Variants in RIPOR3 observed in about 807,000 individuals in gnomAD.
RIPOR3 encodes the protein family with sequence similarity 65 member C.
RIPOR3 carries 95 observed loss-of-function variants against 114.3 expected under a neutral mutation model. The observed-to-expected ratio is 0.83, with a 90% CI of 0.70 to 0.99. RIPOR3 has a LOEUF of 0.99. Ranked by LOEUF, RIPOR3 falls within the 50% of genes least tolerant of loss-of-function variation. The probability of loss-of-function intolerance (pLI) is 0.00; values close to 1 mark genes in which losing one functional copy is unlikely to be tolerated. For synonymous variants in RIPOR3, 575 were observed against 543.8 expected (o/e 1.06, Z -0.80); for missense variants, 1,252 against 1,266.9 (o/e 0.99, Z 0.18).
At chr20:50,622,978 T>C (rs955550464) in intron 2 of RIPOR3, among the ~76,000 whole-genome samples, 8 of 151,980 alleles carry the variant, frequency 5.3e-5, no homozygotes, top group African/African-American at 1.7e-4. Flanking sequence ...AAACATTAGG[T>C]GCAGGCCAGG....
chr20:50,666,226 T>TCTTTTCTCTTCTCTTCTCTTCTCTTCTC (rs1555873214), intron 1 of RIPOR3, among the ~76,000 whole-genome samples: 1 of 139,836 alleles, frequency 7.2e-6, no homozygotes, highest in Non-Finnish European at 1.5e-5. Flanking sequence ...TCTTTTCTTT[T>TCTTTTCTCTTCTCTTCTCTTCTCTTCTC]TTGAGACGGA....
intron 1 of RIPOR3, among the ~76,000 whole-genome samples, chr20:50,661,676 T>TA (rs1356776668): frequency 7.2e-5 from 11 of 152,154 alleles, no homozygotes; most frequent in Non-Finnish European, 7.3e-5. Context: ...GAACTGCTGT[T>TA]ATCAGAGTTG....
At chr20:50,611,005 T>C (rs1314162829) in intron 5 of RIPOR3, 99 bp from the exon 6 acceptor site, 12 of 550,160 alleles carry the variant, frequency 2.2e-5, no homozygotes, top group Non-Finnish European at 3.0e-5. Context: ...ACTCAGAGAA[T>C]GGGGCCCCTC....
At chr20:50,591,756 C>T (rs2083116059) in intron 19 of RIPOR3, among the ~76,000 whole-genome samples, 1 of 152,190 alleles carries the variant, frequency 6.6e-6, no homozygotes, top group Non-Finnish European at 1.5e-5. Context: ...GACCCATTAC[C>T]AGGTAGCCAT....
intron 2 of RIPOR3, among the ~76,000 whole-genome samples, chr20:50,620,571 G>A (rs893257667): frequency 6.6e-6 from 1 of 152,006 alleles, no homozygotes; most frequent in African/African-American, 2.4e-5. Context: ...AGGTTTCAGT[G>A]AGCCGAGATT....
At chr20:50,595,848 C>T (rs1031415132) in intron 15 of RIPOR3, among the ~76,000 whole-genome samples, 1 of 152,158 alleles carries the variant, frequency 6.6e-6, no homozygotes, top group Non-Finnish European at 1.5e-5. Context: ...TACCATGAGC[C>T]GATAAATTTT....
rs185632254 is a variant in RIPOR3, at chr20:50,608,900, G to T, written c.684+12C>A. 2,382 of 1,597,512 alleles carry T rather than the reference G, an allele frequency of 1.5e-3. 21 individuals carry two copies. Among genetic ancestry groups the T allele is most frequent in the Non-Finnish European group, 4.3e-4 (503 of 1,172,462 alleles). ...GGGAGCCCTGAGGATTGACCCCAGA[G>T]AGTGGCCGTACCTCATAGTGGTCTC... On this transcript the variant is annotated intron_variant, in intron 9 of 21. Transcript: ENST00000327979.
At position 50,607,960 on chromosome 20, in the gene RIPOR3, G is replaced by A. The variant is rs73272561; in HGVS notation, c.956+429C>T. The stretch of plus-strand genomic sequence containing the variant: ...GTCCAGGGAGTGATCTCATGGACAT[G>A]GGCTTCATGGGTCTGCAGCCGAGAG... On this transcript the variant is annotated intron_variant, in intron 11 of 21. Transcript: ENST00000327979. 3.5e-3 allele frequency among the ~76,000 whole-genome samples: 537 copies of A among 152,310 alleles called. 3 individuals carry two copies. Among genetic ancestry groups the A allele is most frequent in the African/African-American group, 0.012 (514 of 41,572 alleles).
rs2087008547 is a variant in RIPOR3 at position 50,686,033 on chromosome 20, GC to G, written c.3+5092del. On this transcript the variant is annotated intron_variant, in intron 1 of 21. Transcript: ENST00000327979. ...AAAATAGGAATGAAGTGAATGAATG[GC>G]CTGAAAGCATAGACGCCTGGCTCTT... 2.0e-5 allele frequency among the ~76,000 whole-genome samples: 3 copies of G among 152,110 alleles called. No homozygotes were observed. In the South Asian group the frequency reaches 6.2e-4, roughly 32 times the overall value.
At chr20:50,611,376 G>A (rs1317205347) in intron 4 of RIPOR3, among the ~76,000 whole-genome samples, 172 bp from the exon 5 acceptor site, 2 of 152,310 alleles carry the variant, frequency 1.3e-5, no homozygotes, top group East Asian at 1.9e-4. Flanking sequence ...TGCTGTCCAC[G>A]CCAAGGACAG....
chr20:50,597,825 C>T (rs1367020706), intron 13 of RIPOR3, 115 bp from the exon 14 acceptor site: 2 of 1,431,872 alleles, frequency 1.4e-6, no homozygotes, highest in African/African-American at 1.4e-5. Flanking sequence ...AAGCCCCAAT[C>T]CCACACACCG....
chr20:50,680,646 C>T (rs1460045587), intron 1 of RIPOR3, among the ~76,000 whole-genome samples: 3 of 152,256 alleles, frequency 2.0e-5, no homozygotes, highest in East Asian at 3.8e-4. Flanking sequence ...CTGGTTACAG[C>T]TCAACCAGAG....
intron 1 of RIPOR3, among the ~76,000 whole-genome samples, chr20:50,634,987 C>G (rs899890122): frequency 6.6e-6 from 1 of 152,194 alleles, no homozygotes; most frequent in Non-Finnish European, 1.5e-5. Context: ...GAGCCGAGAT[C>G]AAGCCACTAA....
intron 1 of RIPOR3, among the ~76,000 whole-genome samples, chr20:50,643,660 T>C (rs1244672708): frequency 1.3e-5 from 2 of 151,958 alleles, no homozygotes; most frequent in African/African-American, 2.4e-5. Context: ...CATGGTGGTA[T>C]GTACTTGTAG....
chr20:50,626,026 C>G (rs1002576140), intron 2 of RIPOR3, among the ~76,000 whole-genome samples: 4 of 152,178 alleles, frequency 2.6e-5, no homozygotes, highest in Non-Finnish European at 4.4e-5. Context: ...ATCAGCCCAC[C>G]CTCTCCATGC....
intron 1 of RIPOR3, among the ~76,000 whole-genome samples, chr20:50,635,414 G>T (rs747819927): frequency 2.0e-5 from 3 of 152,142 alleles, no homozygotes; most frequent in Non-Finnish European, 4.4e-5. Flanking sequence ...AGCACTTTGA[G>T]AGGCTGAGAT....
chr20:50,672,333 T>C (rs1329708517), intron 1 of RIPOR3, among the ~76,000 whole-genome samples: 1 of 152,090 alleles, frequency 6.6e-6, no homozygotes, highest in Non-Finnish European at 1.5e-5. Flanking sequence ...AGTCCTACAG[T>C]AAAAGGGGTT....
intron 1 of RIPOR3, among the ~76,000 whole-genome samples, chr20:50,682,309 A>T (rs549610428): frequency 6.6e-6 from 1 of 152,360 alleles, no homozygotes; most frequent in African/African-American, 2.4e-5. Flanking sequence ...AATGATTTAT[A>T]AAAATGTAAG....
At chr20:50,595,551 C>T (rs543182551) in intron 15 of RIPOR3, 47 bp from the exon 16 acceptor site, 36 of 1,601,132 alleles carry the variant, frequency 2.2e-5, no homozygotes, top group Admixed American at 5.0e-5. Context: ...ACATGCCCAC[C>T]GAGGTCAGCT....
Sources: gnomAD v4.1 joint callset for allele counts (sites outside exome capture counted in the v4.1 genomes callset) on GRCh38, gnomAD v4.1.1 for gene constraint, MANE v1.5 for transcripts, NCBI Gene and HGNC (gene_info 2026-07-23, HGNC 2026-07-21) for gene names.